NIPSNAP3A: variants seen among roughly 807,000 people sequenced by gnomAD.
NIPSNAP3A encodes the protein nipsnap homolog 3A.
In NIPSNAP3A, 27 loss-of-function variants were observed where a neutral mutation model predicts 32.3. The ratio of observed to expected loss-of-function variants is 0.84; its 90% CI spans 0.62 to 1.15. NIPSNAP3A has a LOEUF of 1.15. NIPSNAP3A is among the 50% of genes most tolerant of loss of function. NIPSNAP3A has a pLI of 0.00. For missense variants in NIPSNAP3A, 278 were observed against 297.2 expected (o/e 0.94, Z 0.48); for synonymous variants, 108 against 107.3 (o/e 1.01, Z -0.04).
intron 3 of NIPSNAP3A, chr9:104,753,824 C>A (rs967968949): frequency 6.6e-6 from 1 of 152,310 alleles, no homozygotes; most frequent in Non-Finnish European, 1.5e-5. Context: ...TCAGCACTAT[C>A]TAAATAAAAT....
At chr9:104,754,757 C>A in intron 4 of NIPSNAP3A, 57 bp downstream of exon 4, 13 of 1,375,364 alleles carry the variant, frequency 9.5e-6, no homozygotes, top group Non-Finnish European at 1.3e-5. Context: ...GACCTAAGTT[C>A]CTTGGGTCAG....
At chr9:104,758,030 CAT>C (rs1341697630) in intron 4 of NIPSNAP3A, among the ~76,000 whole-genome samples, 4 of 151,984 alleles carry the variant, frequency 2.6e-5, no homozygotes, top group Non-Finnish European at 5.9e-5. Context: ...ATACATCTAA[CAT>C]GTATATATTA....
chr9:104,748,199 G>C (rs1416260713), intron 1 of NIPSNAP3A, among the ~76,000 whole-genome samples: 1 of 152,020 alleles, frequency 6.6e-6, no homozygotes. Flanking sequence ...GCGGCCCAGC[G>C]AGCGCTCCCA....
intron 2 of NIPSNAP3A, 68 bp downstream of exon 2, chr9:104,751,234 T>G: frequency 7.6e-7 from 1 of 1,318,210 alleles, no homozygotes; most frequent in Non-Finnish European, 1.1e-6. Flanking sequence ...TTCATTCTGT[T>G]AAATGTAACA....
intron 4 of NIPSNAP3A, among the ~76,000 whole-genome samples, chr9:104,755,031 G>A (rs958515056): frequency 6.6e-6 from 1 of 152,052 alleles, no homozygotes; most frequent in African/African-American, 2.4e-5. Context: ...CCTGAGGTCA[G>A]GAGTTCGAGA....
In NIPSNAP3A at chr9:104,747,815, T is replaced by G; in HGVS notation, c.23T>G (p.Leu8Arg). The change falls in exon 1 of 6, where the codon CTG becomes CGG. Residue 8 changes from leucine to arginine, a missense_variant. Physicochemically the swap from Leu to Arg is moderately radical, Grantham distance 102. Transcript: ENST00000374767. MLVLRSA[L>R]TRALASRTLA... is the part of the protein sequence containing the mutation. The stretch of plus-strand genomic sequence containing the variant: ...GCCATGCTCGTCCTCAGAAGCGCCC[T>G]GACTCGGGCGCTGGCCTCACGGACG... The G allele has an allele frequency of 6.2e-7, 1 of 1,609,134 alleles. No homozygotes were observed. The highest frequency in any genetic ancestry group is 8.5e-7 in the Non-Finnish European group (1 of 1,179,082).
At chr9:104,752,530 T>C (rs796950733) in intron 2 of NIPSNAP3A, among the ~76,000 whole-genome samples, 6 of 152,294 alleles carry the variant, frequency 3.9e-5, no homozygotes, top group African/African-American at 1.4e-4. Context: ...CCAACCGCTA[T>C]ATTCTAAACT....
rs1827843014 is a variant in NIPSNAP3A, at chr9:104,751,048, GT to G, written c.155del (p.Phe52SerfsTer24). On this transcript the variant is annotated frameshift_variant, in exon 2 of 6. Transcript: ENST00000374767. LOFTEE classifies it high-confidence loss of function. The part of the protein sequence containing the change: ...YYLKPSKMNE[F>X]LENFEKNAHL... ...ACCTTAAGCCCTCAAAGATGAATGAGTTCCTGGAAAATTTTGAGAAAAACGC... is the reference window on the plus strand; with the variant it reads ...ACCTTAAGCCCTCAAAGATGAATGAGTCCTGGAAAATTTTGAGAAAAACGC... 1 of 1,613,952 alleles carries G rather than the reference GT, an allele frequency of 6.2e-7. No homozygotes were observed. Among genetic ancestry groups the G allele is most frequent in the South Asian group, 1.1e-5 (1 of 91,072 alleles).
Position 104,747,798 on chromosome 9 carries a change from C to T in NIPSNAP3A, c.6C>T (p.Leu2=). 5.0e-6 allele frequency: 8 copies of T among 1,608,796 alleles called. No individual in the cohort carries two copies. Among genetic ancestry groups the T allele is most frequent in the Non-Finnish European group, 2.5e-6 (3 of 1,178,922 alleles). ...CTCAGCGCCGAAGCCGCGCCATGCT[C>T]GTCCTCAGAAGCGCCCTGACTCGGG... The part of the protein sequence containing the change: M[L]VLRSALTRAL... The change falls in exon 1 of 6, where the codon CTC becomes CTT. Residue 2 remains leucine, a synonymous_variant. Transcript: ENST00000374767.
intron 3 of NIPSNAP3A, 154 bp from the exon 4 acceptor site, chr9:104,754,395 CAG>C: frequency 1.6e-6 from 1 of 623,806 alleles, no homozygotes; most frequent in Non-Finnish European, 2.8e-6. Flanking sequence ...AGCATAAAAG[CAG>C]AGAGTGCAAA....
chr9:104,758,971 CAA>C (rs34457398), intron 4 of NIPSNAP3A, 112 bp from the exon 5 acceptor site: 52,860 of 370,134 alleles, frequency 0.14, 177 homozygotes, highest in East Asian at 0.22. Flanking sequence ...ACTCTTGTTT[CAA>C]AAAAAAAAAA....
chr9:104,752,752 G>A (rs750264564), intron 2 of NIPSNAP3A, among the ~76,000 whole-genome samples, 154 bp from the exon 3 acceptor site: 4 of 152,204 alleles, frequency 2.6e-5, no homozygotes, highest in Non-Finnish European at 5.9e-5. Flanking sequence ...CTTCAGGGCA[G>A]ATGGTCACAT....
At chr9:104,757,518 A>G (rs1827919675) in intron 4 of NIPSNAP3A, among the ~76,000 whole-genome samples, 1 of 152,242 alleles carries the variant, frequency 6.6e-6, no homozygotes, top group Non-Finnish European at 1.5e-5. Context: ...ACACATAGTT[A>G]TCATTCAATA....
intron 1 of NIPSNAP3A, among the ~76,000 whole-genome samples, chr9:104,749,827 G>A (rs1827824637): frequency 6.6e-6 from 1 of 152,176 alleles, no homozygotes; most frequent in South Asian, 2.1e-4. Flanking sequence ...TGGTTCTTAA[G>A]TGATATTTTC....
intron 4 of NIPSNAP3A, among the ~76,000 whole-genome samples, chr9:104,757,849 C>G (rs1348557842): frequency 6.6e-6 from 1 of 151,328 alleles, no homozygotes; most frequent in South Asian, 2.1e-4. Context: ...GCTAGGAGTT[C>G]GAGACCAGCC....
intron 1 of NIPSNAP3A, among the ~76,000 whole-genome samples, chr9:104,749,801 T>C (rs1310089031): frequency 1.3e-5 from 2 of 152,170 alleles, no homozygotes; most frequent in Non-Finnish European, 2.9e-5. Flanking sequence ...TGTATGACTA[T>C]TACAAAAGGA....
In NIPSNAP3A at chr9:104,754,719, T is replaced by G; in HGVS notation, c.580+19T>G. 1 of 1,604,076 alleles carries G rather than the reference T, an allele frequency of 6.2e-7. No homozygotes were observed. The highest frequency in any genetic ancestry group is 8.5e-7 in the Non-Finnish European group (1 of 1,171,012). ...AACAGAGGTACAATTGTCCATTTCT[T>G]CTTATATGAAATTGTAATATATATT... On this transcript the variant is annotated intron_variant, in intron 4 of 5. Coordinates refer to ENST00000374767, the MANE Select transcript of NIPSNAP3A (RefSeq NM_015469.3).
At position 104,748,995 on chromosome 9, in the gene NIPSNAP3A, A is replaced by G. The variant is rs536679590; in HGVS notation, c.60+1143A>G. ...CCCCCACCATACCCGGCTCCCCTGCAGTCTTCCTTCTCTGGCACCACCTGT... is the reference window on the plus strand; with the variant it reads ...CCCCCACCATACCCGGCTCCCCTGCGGTCTTCCTTCTCTGGCACCACCTGT... On this transcript the variant is annotated intron_variant, in intron 1 of 5. Transcript: ENST00000374767. Among the ~76,000 whole-genome samples the G allele has an allele frequency of 1.7e-4, 26 of 152,244 alleles. 1 individual carries two copies. The highest frequency in any genetic ancestry group is 1.7e-3 in the South Asian group (8 of 4,816).
chr9:104,757,539 G>A (rs568654084), intron 4 of NIPSNAP3A, among the ~76,000 whole-genome samples: 184 of 152,276 alleles, frequency 1.2e-3, no homozygotes, highest in Non-Finnish European at 2.4e-3. Flanking sequence ...AATGTCAGTA[G>A]TTGTCATCGA....
Sources: allele counts gnomAD v4.1 joint callset (sites outside exome capture counted in the v4.1 genomes callset), GRCh38; gene constraint gnomAD v4.1.1; transcripts MANE v1.5; gene names NCBI Gene and HGNC (gene_info 2026-07-23, HGNC 2026-07-21).